Variants in UNC80 observed in about 807,000 individuals in gnomAD.
UNC80 encodes unc-80 subunit of NALCN channel complex.
UNC80 carries 164 observed loss-of-function variants against 384.6 expected under a neutral mutation model. The ratio of observed to expected loss-of-function variants is 0.43; its 90% confidence interval spans 0.38 to 0.49. The LOEUF is 0.49. Ranked by LOEUF, UNC80 falls within the 20% of genes least tolerant of loss-of-function variation. The pLI, the probability that UNC80 is intolerant of heterozygous loss-of-function variation, is 0.00. For synonymous variants in UNC80, 1,486 were observed against 1,527.8 expected (o/e 0.97, Z 0.64); for missense variants, 3,330 against 4,143.0 (o/e 0.80, Z 5.39).
At chr2:209,869,624 A>T (rs963062533) in intron 22 of UNC80, among the ~76,000 whole-genome samples, 1 of 152,196 alleles carries the variant, frequency 6.6e-6, no homozygotes, top group Non-Finnish European at 1.5e-5. Context: ...AATAATGATT[A>T]TAATAAAAAG....
intron 6 of UNC80, among the ~76,000 whole-genome samples, chr2:209,792,218 C>T (rs573224118): frequency 6.6e-6 from 1 of 152,274 alleles, no homozygotes; most frequent in African/African-American, 2.4e-5. Context: ...TGGAGAGGAT[C>T]ACCTGAACCT....
At chr2:209,994,338 T>C in intron 64 of UNC80, 74 bp downstream of exon 64, 1 of 1,331,296 alleles carries the variant, frequency 7.5e-7, no homozygotes, top group Non-Finnish European at 1.0e-6. Flanking sequence ...GATATGCACA[T>C]TTATTCCATA....
Position 209,817,780 on chromosome 2 carries a change from A to G in UNC80, c.1553-32A>G, listed in dbSNP as rs1024414624. 40 of 1,549,858 alleles carry G rather than the reference A, an allele frequency of 2.6e-5. No individual in the cohort carries two copies. In the Admixed American group the frequency reaches 2.8e-4, roughly 11 times the overall value. The stretch of plus-strand genomic sequence containing the variant: ...GGCAGAATAACTTTCAGATTTTAAA[A>G]CCCTCTTGTGGGGTGCTCTTATTCA... On this transcript the variant is annotated intron_variant, in intron 10 of 64. Coordinates refer to ENST00000673920, the MANE Select transcript of UNC80 (RefSeq NM_001371986.1).
At chr2:209,825,408 T>C (rs1165035958) in intron 13 of UNC80, among the ~76,000 whole-genome samples, 1 of 152,150 alleles carries the variant, frequency 6.6e-6, no homozygotes, top group African/African-American at 2.4e-5. Context: ...TGTATTATAA[T>C]ACAGTGAAAG....
At chr2:209,795,785 G>A (rs1181077247) in intron 7 of UNC80, 1 of 152,202 alleles carries the variant, frequency 6.6e-6, no homozygotes, top group Non-Finnish European at 1.5e-5. Context: ...ATTGAGGTTT[G>A]GGAACCTCCG....
chr2:209,827,513 C>T (rs567108903), intron 14 of UNC80, among the ~76,000 whole-genome samples: 1 of 152,276 alleles, frequency 6.6e-6, no homozygotes, highest in South Asian at 2.1e-4. Flanking sequence ...CCGAACACTT[C>T]CTATGAGGGC....
At chr2:209,831,755 T>C (rs2080986233) in intron 16 of UNC80, among the ~76,000 whole-genome samples, 164 bp downstream of exon 16, 1 of 152,180 alleles carries the variant, frequency 6.6e-6, no homozygotes, top group South Asian at 2.1e-4. Context: ...AATGGAGCCT[T>C]AACAACACTT....
rs552023645 is a variant in UNC80, at chr2:209,892,471, A to C, written c.4277-1692A>C. ...GTGCTCCTTGTAAATAACCAGTGCC[A>C]TAATTCTGAACTGTAATTTTTCAGT... is the stretch of plus-strand genomic sequence containing the variant. On this transcript the variant is annotated intron_variant, in intron 26 of 64. Transcript: ENST00000673920. Among the ~76,000 whole-genome samples the C allele has an allele frequency of 3.3e-5, 5 of 152,332 alleles. No individual in the cohort carries two copies. The South Asian group carries it at 1.0e-3, about 32-fold the overall frequency.
chr2:209,992,760 T>A (rs2093415906), intron 62 of UNC80, among the ~76,000 whole-genome samples: 1 of 152,230 alleles, frequency 6.6e-6, no homozygotes, highest in Non-Finnish European at 1.5e-5. Context: ...GAAAAAGAAG[T>A]CCTTTCTTTC....
intron 61 of UNC80, among the ~76,000 whole-genome samples, chr2:209,989,811 C>G (rs2125030251): frequency 6.6e-6 from 1 of 152,118 alleles, no homozygotes; most frequent in Non-Finnish European, 1.5e-5. Flanking sequence ...TGATATAGAC[C>G]CCAGAAAAAG....
intron 22 of UNC80, among the ~76,000 whole-genome samples, chr2:209,851,913 A>G (rs796526702): frequency 3.3e-5 from 5 of 152,236 alleles, no homozygotes; most frequent in African/African-American, 1.2e-4. Flanking sequence ...AAAGCATGCA[A>G]TAATAATAAA....
At chr2:209,981,842 T>C (rs1256269341) in intron 59 of UNC80, among the ~76,000 whole-genome samples, 1 of 152,248 alleles carries the variant, frequency 6.6e-6, no homozygotes, top group Non-Finnish European at 1.5e-5. Flanking sequence ...GAAGTATTTA[T>C]GGAATGTTTT....
At chr2:209,938,261 TAGC>T (rs1184475019) in intron 42 of UNC80, among the ~76,000 whole-genome samples, 1 of 152,234 alleles carries the variant, frequency 6.6e-6, no homozygotes, top group African/African-American at 2.4e-5. Context: ...ATGCAAAATA[TAGC>T]TTTAGTACAC....
chr2:209,804,989 G>A (rs2078801916), intron 7 of UNC80, among the ~76,000 whole-genome samples: 2 of 152,098 alleles, frequency 1.3e-5, no homozygotes, highest in African/African-American at 4.8e-5. Flanking sequence ...TATATTTGAT[G>A]TATTATCAGA....
chr2:209,884,386 G>A (rs566051068), intron 25 of UNC80, among the ~76,000 whole-genome samples: 1 of 152,294 alleles, frequency 6.6e-6, no homozygotes, highest in African/African-American at 2.4e-5. Flanking sequence ...ACAGAAAACA[G>A]CATATTGGGT....
chr2:209,995,605 T>A lies in UNC80; in HGVS notation c.*10T>A. On this transcript the variant is annotated 3_prime_UTR_variant, in exon 65 of 65. Coordinates refer to ENST00000673920, the MANE Select transcript of UNC80 (RefSeq NM_001371986.1). Reference sequence around the variant, plus strand: ...TGAGTCTCATGTTTAATTCTGTATCTTGTAAGCTCTGCAGGTATAGAGAAG... The same window carrying A: ...TGAGTCTCATGTTTAATTCTGTATCATGTAAGCTCTGCAGGTATAGAGAAG... 4 of 1,551,464 alleles carry A rather than the reference T, an allele frequency of 2.6e-6. No individual in the cohort carries two copies. The highest frequency in any genetic ancestry group is 3.5e-6 in the Non-Finnish European group (4 of 1,146,712).
At chr2:209,781,053 C>G (rs1306582049) in intron 4 of UNC80, among the ~76,000 whole-genome samples, 1 of 152,180 alleles carries the variant, frequency 6.6e-6, no homozygotes, top group Non-Finnish European at 1.5e-5. Flanking sequence ...CTCAGGTTCC[C>G]ACTCAGCACT....
At chr2:209,974,907 A>C (rs998604177) in intron 56 of UNC80, among the ~76,000 whole-genome samples, 1 of 152,198 alleles carries the variant, frequency 6.6e-6, no homozygotes, top group Non-Finnish European at 1.5e-5. Context: ...TATGGTAGAG[A>C]AAGAGGAGTG....
chr2:209,972,661 C>T (rs1264140502), intron 55 of UNC80, among the ~76,000 whole-genome samples: 2 of 152,266 alleles, frequency 1.3e-5, no homozygotes, highest in African/African-American at 2.4e-5. Flanking sequence ...GTACAACCTA[C>T]GTGGACACTG....
Sources: allele counts gnomAD v4.1 joint callset (sites outside exome capture counted in the v4.1 genomes callset), GRCh38; gene constraint gnomAD v4.1.1; transcripts MANE v1.5; gene names NCBI Gene and HGNC (gene_info 2026-07-23, HGNC 2026-07-21).